FBXL7: variants seen among roughly 807,000 people sequenced by gnomAD.
FBXL7 encodes the protein F-box and leucine rich repeat protein 7.
In FBXL7, 12 loss-of-function variants were observed where a neutral mutation model predicts 38.3. The ratio of observed to expected loss-of-function variants is 0.31; its 90% CI spans 0.20 to 0.51. The LOEUF (loss-of-function observed/expected upper bound fraction) is 0.51, where lower values mean the gene tolerates loss of function less well. Ranked by LOEUF, FBXL7 falls within the 20% of genes least tolerant of loss-of-function variation. The probability of loss-of-function intolerance (pLI) is 0.98; values close to 1 mark genes in which losing one functional copy is unlikely to be tolerated. For missense variants in FBXL7, 567 were observed against 676.4 expected (o/e 0.84, Z 1.79); for synonymous variants, 297 against 300.9 (o/e 0.99, Z 0.13).
chr5:15,692,910 C>T (rs1743225110), intron 2 of FBXL7, among the ~76,000 whole-genome samples: 1 of 152,106 alleles, frequency 6.6e-6, no homozygotes, highest in Non-Finnish European at 1.5e-5. Flanking sequence ...CTGTCACTCA[C>T]CACCCATCCT....
intron 2 of FBXL7, among the ~76,000 whole-genome samples, chr5:15,649,917 C>T (rs891744618): frequency 7.2e-5 from 11 of 152,192 alleles, no homozygotes; most frequent in Admixed American, 3.9e-4. Context: ...GTAAGCTTTT[C>T]CTACATTATC....
At chr5:15,513,380 C>T (rs1224712263) in intron 1 of FBXL7, among the ~76,000 whole-genome samples, 1 of 152,186 alleles carries the variant, frequency 6.6e-6, no homozygotes, top group African/African-American at 2.4e-5. Context: ...AGAGGAACAG[C>T]TTCAGATAAA....
intron 2 of FBXL7, among the ~76,000 whole-genome samples, chr5:15,635,322 T>A (rs1375743214): frequency 1.3e-5 from 2 of 152,026 alleles, no homozygotes; most frequent in East Asian, 3.9e-4. Context: ...AGCAGGATGG[T>A]CTCTAGGTAA....
chr5:15,625,984 A>G (rs1279902693), intron 2 of FBXL7, among the ~76,000 whole-genome samples: 2 of 152,218 alleles, frequency 1.3e-5, no homozygotes, highest in East Asian at 1.9e-4. Flanking sequence ...CTTAAGAGGA[A>G]GAGATTCTGA....
intron 2 of FBXL7, among the ~76,000 whole-genome samples, chr5:15,675,050 T>C (rs1262630711): frequency 1.3e-5 from 2 of 152,190 alleles, no homozygotes; most frequent in East Asian, 3.9e-4. Flanking sequence ...AAATAGATTA[T>C]CTGCATTTAT....
intron 2 of FBXL7, among the ~76,000 whole-genome samples, chr5:15,675,898 C>A (rs1186603729): frequency 1.3e-5 from 2 of 152,136 alleles, no homozygotes; most frequent in Admixed American, 1.3e-4. Context: ...AAATTGGCCG[C>A]TACAATGAAG....
intron 1 of FBXL7, among the ~76,000 whole-genome samples, chr5:15,549,050 G>A (rs1043896608): frequency 6.6e-6 from 1 of 152,206 alleles, no homozygotes; most frequent in Admixed American, 6.5e-5. Context: ...GGGGAGGCTT[G>A]TAGCGTTTCA....
intron 1 of FBXL7, among the ~76,000 whole-genome samples, chr5:15,599,469 A>AT (rs1221138536): frequency 1.3e-5 from 2 of 152,284 alleles, no homozygotes; most frequent in Admixed American, 1.3e-4. Context: ...TATCTTATCC[A>AT]TTCTTCCACT....
intron 1 of FBXL7, among the ~76,000 whole-genome samples, chr5:15,571,509 ATG>A (rs1250944233): frequency 2.6e-5 from 4 of 152,184 alleles, no homozygotes; most frequent in Admixed American, 6.5e-5. Flanking sequence ...CTCTTTACAA[ATG>A]TGTAAACTAA....
intron 3 of FBXL7, among the ~76,000 whole-genome samples, chr5:15,934,305 G>T (rs373184957): frequency 6.6e-6 from 1 of 151,996 alleles, no homozygotes; most frequent in South Asian, 2.1e-4. Context: ...ACACCCAGTC[G>T]GTTTTTGCCA....
At chr5:15,848,405 G>C (rs958830787) in intron 2 of FBXL7, among the ~76,000 whole-genome samples, 3 of 151,786 alleles carry the variant, frequency 2.0e-5, no homozygotes, top group African/African-American at 7.3e-5. Context: ...TTTTTGAGAC[G>C]GAGTCTAGCT....
intron 2 of FBXL7, among the ~76,000 whole-genome samples, chr5:15,835,404 C>T (rs1293080385): frequency 4.6e-5 from 7 of 152,092 alleles, no homozygotes. Context: ...TGAAATTATA[C>T]ATTATTATGC....
intron 1 of FBXL7, among the ~76,000 whole-genome samples, chr5:15,614,261 T>A (rs1240689691): frequency 6.1e-5 from 9 of 146,706 alleles, no homozygotes; most frequent in African/African-American, 2.0e-4. Flanking sequence ...GTTCTTTTCT[T>A]TTCTTTTCTT....
intron 2 of FBXL7, among the ~76,000 whole-genome samples, chr5:15,782,915 T>C (rs563152841): frequency 6.6e-6 from 1 of 152,188 alleles, no homozygotes; most frequent in Non-Finnish European, 1.5e-5. Context: ...TAAATTTATT[T>C]AGTAGAATGG....
At chr5:15,694,431 G>T (rs1467158060) in intron 2 of FBXL7, among the ~76,000 whole-genome samples, 1 of 152,186 alleles carries the variant, frequency 6.6e-6, no homozygotes, top group Non-Finnish European at 1.5e-5. Context: ...CCTGACACAG[G>T]GTTGAAGGTA....
intron 2 of FBXL7, among the ~76,000 whole-genome samples, chr5:15,896,028 CTTT>C (rs571938099): frequency 7.4e-6 from 1 of 134,634 alleles, no homozygotes; most frequent in Admixed American, 7.5e-5. Flanking sequence ...ACTGAGTCTA[CTTT>C]TTTTTTTTTT....
intron 2 of FBXL7, among the ~76,000 whole-genome samples, chr5:15,645,443 T>A (rs1353435603): frequency 6.6e-6 from 1 of 151,972 alleles, no homozygotes; most frequent in East Asian, 1.9e-4. Flanking sequence ...CTGCTTGGAG[T>A]TTTCCTGACT....
chr5:15,891,974 G>T (rs574815182), intron 2 of FBXL7, among the ~76,000 whole-genome samples: 1 of 152,344 alleles, frequency 6.6e-6, no homozygotes, highest in Non-Finnish European at 1.5e-5. Flanking sequence ...GCACCAGGCA[G>T]GAGGGAACAG....
intron 1 of FBXL7, among the ~76,000 whole-genome samples, chr5:15,561,889 A>G (rs905862482): frequency 1.3e-4 from 20 of 152,260 alleles, no homozygotes; most frequent in Admixed American, 8.5e-4. Flanking sequence ...TTATATTACA[A>G]AGCAAAAGTA....
Sources: gnomAD v4.1 joint callset for allele counts (sites outside exome capture counted in the v4.1 genomes callset) on GRCh38, gnomAD v4.1.1 for gene constraint, MANE v1.5 for transcripts, NCBI Gene and HGNC (gene_info 2026-07-23, HGNC 2026-07-21) for gene names.